DENND2A: variants seen among roughly 807,000 people sequenced by gnomAD.
DENND2A encodes the protein DENN domain containing 2A.
DENND2A carries 53 observed loss-of-function variants against 105.3 expected under a neutral mutation model. That is an observed-to-expected ratio of 0.50 (90% CI 0.40 to 0.63). The LOEUF is 0.63. Among genes scored for constraint, DENND2A ranks in the 30% least tolerant of loss-of-function variants. The pLI is 0.00. For synonymous variants in DENND2A, 522 were observed against 508.4 expected, an observed-to-expected ratio of 1.03 and a Z score of -0.36; for missense variants, 1,138 against 1,279.6, an observed-to-expected ratio of 0.89 and a Z score of 1.69.
At chr7:140,558,013 C>A in intron 11 of DENND2A, 130 bp downstream of exon 11, 2 of 691,076 alleles carry the variant, frequency 2.9e-6, no homozygotes, top group South Asian at 1.9e-5. Context: ...TGCCACTCCC[C>A]CTGCTCCTTC....
chr7:140,563,422 C>A (rs1034609821), intron 9 of DENND2A, among the ~76,000 whole-genome samples: 3 of 152,094 alleles, frequency 2.0e-5, no homozygotes, highest in Admixed American at 6.6e-5. Context: ...GAAAACAGCC[C>A]AGTCTCCCTG....
At chr7:140,601,009 A>C (rs191238695) in intron 3 of DENND2A, among the ~76,000 whole-genome samples, 1 of 152,342 alleles carries the variant, frequency 6.6e-6, no homozygotes, top group East Asian at 1.9e-4. Flanking sequence ...AGACACTGAT[A>C]GGGCCAGTGT....
chr7:140,578,408 G>A (rs1002123669), intron 5 of DENND2A, among the ~76,000 whole-genome samples: 2 of 152,102 alleles, frequency 1.3e-5, no homozygotes, highest in African/African-American at 2.4e-5. Context: ...GAGACTACAG[G>A]GATCCTTGAT....
intron 14 of DENND2A, among the ~76,000 whole-genome samples, chr7:140,538,231 G>T (rs1036975114): frequency 2.6e-5 from 4 of 152,164 alleles, no homozygotes; most frequent in Admixed American, 6.6e-5. Flanking sequence ...TTGTGTTTGT[G>T]GGGGAGAGTG....
At chr7:140,592,217 T>TA (rs1229700035) in intron 3 of DENND2A, among the ~76,000 whole-genome samples, 17 of 149,394 alleles carry the variant, frequency 1.1e-4, no homozygotes, top group African/African-American at 1.7e-4. Flanking sequence ...TTTTTATTTT[T>TA]TTTTTTTGAG....
intron 11 of DENND2A, among the ~76,000 whole-genome samples, chr7:140,556,804 A>T (rs7804236): frequency 0.043 from 6,599 of 152,230 alleles, 481 homozygotes; most frequent in African/African-American, 0.15. Flanking sequence ...TTTTCAGCCT[A>T]TTTCAGAGAC....
intron 3 of DENND2A, among the ~76,000 whole-genome samples, chr7:140,592,078 G>GCCCAGGCTCTTGTCA (rs1799077020): frequency 7.5e-6 from 1 of 133,336 alleles, no homozygotes; most frequent in East Asian, 2.2e-4. Context: ...CGCTCTTGAC[G>GCCCAGGCTCTTGTCA]CCCAGGCTCT....
At chr7:140,576,298 A>G (rs1278666390) in intron 5 of DENND2A, among the ~76,000 whole-genome samples, 3 of 152,020 alleles carry the variant, frequency 2.0e-5, no homozygotes. Flanking sequence ...TTTCTTTTGT[A>G]ATTCATTTAA....
chr7:140,528,734 T>C (rs1037774237), intron 14 of DENND2A, among the ~76,000 whole-genome samples: 10 of 144,514 alleles, frequency 6.9e-5, no homozygotes, highest in African/African-American at 2.1e-4. Context: ...CACTCCAGCC[T>C]GGGCAACAAG....
At chr7:140,606,110 G>T (rs1799678496) in intron 1 of DENND2A, among the ~76,000 whole-genome samples, 1 of 151,982 alleles carries the variant, frequency 6.6e-6, no homozygotes, top group Non-Finnish European at 1.5e-5. Context: ...GCATGCTCTT[G>T]GCTCACCGCA....
At chr7:140,558,112 C>T (rs1230228957) in intron 11 of DENND2A, 31 bp downstream of exon 11, 1 of 1,601,054 alleles carries the variant, frequency 6.2e-7, no homozygotes, top group Admixed American at 1.7e-5. Context: ...GTCCACGAGG[C>T]TCTTGCAGGC....
At position 140,640,142 on chromosome 7, in the gene DENND2A, C is replaced by T. The variant is rs1408702570; in HGVS notation, c.-248+362G>A. 2.6e-5 allele frequency: 4 copies of T among 152,244 alleles called. No individual in the cohort carries two copies. In the East Asian group the frequency reaches 5.8e-4, roughly 22 times the overall value. 9.4% of individuals were successfully genotyped at this position (152,244 alleles called of 1,614,324 possible). On this transcript the variant is annotated intron_variant, in intron 1 of 19. Transcript: ENST00000496613. The surrounding 1 kb of genome is among the most constrained non-coding windows in gnomAD (Gnocchi z 4.9). ...TCGCACAGACACACTCACACACAGA[C>T]ACACAAGCGCGCACACACACACACG...
Position 140,527,356 on chromosome 7 carries a change from T to C in DENND2A, c.2467A>G (p.Ser823Gly). Reference protein sequence around the residue: ...PTPFLIGLLSSSLPLLRELPL... With the variant: ...PTPFLIGLLSGSLPLLRELPL... ...AGCTCCCTGAGCAGTGGCAGCGAGCTGGAGAGCAGCCCGATGAGGAAGGGC... is the reference window on the plus strand; with the variant it reads ...AGCTCCCTGAGCAGTGGCAGCGAGCCGGAGAGCAGCCCGATGAGGAAGGGC... The change falls in exon 15 of 20, where the codon AGC becomes GGC. Residue 823 changes from serine to glycine, a missense_variant. This residue lies in a region of DENND2A where 627 missense variants were observed against 779.8 expected (regional missense o/e 0.80). Coordinates refer to ENST00000496613, the MANE Select transcript of DENND2A (RefSeq NM_015689.5). This position sits in a 1 kb window ranked among gnomAD's most constrained non-coding sequence, Gnocchi z 4.9. 6.2e-7 allele frequency: 1 copy of C among 1,601,012 alleles called. No homozygotes were observed. The highest frequency in any genetic ancestry group is 1.3e-5 in the African/African-American group (1 of 74,906).
At chr7:140,570,739 C>T (rs1417704236) in intron 6 of DENND2A, among the ~76,000 whole-genome samples, 3 of 152,244 alleles carry the variant, frequency 2.0e-5, no homozygotes, top group Admixed American at 2.0e-4. Context: ...TCCCCCATCA[C>T]CACTGCCAGA....
chr7:140,526,155 G>A (rs1456780502), intron 15 of DENND2A, among the ~76,000 whole-genome samples: 4 of 152,184 alleles, frequency 2.6e-5, no homozygotes, highest in Non-Finnish European at 5.9e-5. Flanking sequence ...TCCCACCCTA[G>A]GGCCCCTGCC....
intron 11 of DENND2A, among the ~76,000 whole-genome samples, chr7:140,555,946 G>A (rs1055868528): frequency 6.6e-6 from 1 of 152,032 alleles, no homozygotes; most frequent in East Asian, 1.9e-4. Context: ...AATCATTTCT[G>A]AAGATCTTTC....
chr7:140,571,577 G>A (rs896365572), intron 6 of DENND2A, among the ~76,000 whole-genome samples: 12 of 151,980 alleles, frequency 7.9e-5, no homozygotes, highest in Non-Finnish European at 1.3e-4. Flanking sequence ...TGTCCTCATC[G>A]GGAAAATGAA....
At position 140,569,629 on chromosome 7, in the gene DENND2A, G is replaced by A; in HGVS notation, c.1540+16C>T. 6.4e-7 allele frequency: 1 copy of A among 1,551,960 alleles called. No individual in the cohort carries two copies. The highest frequency in any genetic ancestry group is 1.1e-5 in the South Asian group (1 of 89,794). On this transcript the variant is annotated intron_variant, in intron 7 of 19. Coordinates refer to ENST00000496613, the MANE Select transcript of DENND2A (RefSeq NM_015689.5). Reference sequence around the variant, plus strand: ...TCCGATTCTTGCGGGAGGAGGGCTGGTGGTGGGGGTTCTACCTTTTCCTGA... The same window carrying A: ...TCCGATTCTTGCGGGAGGAGGGCTGATGGTGGGGGTTCTACCTTTTCCTGA...
At chr7:140,634,826 C>CGCA (rs1012302580) in intron 1 of DENND2A, among the ~76,000 whole-genome samples, 24 of 151,852 alleles carry the variant, frequency 1.6e-4, no homozygotes, top group African/African-American at 5.6e-4. Flanking sequence ...GAGCTGAGAT[C>CGCA]GCACCACTGC....
Sources: gnomAD v4.1 joint callset for allele counts (sites outside exome capture counted in the v4.1 genomes callset) on GRCh38, gnomAD v4.1.1 for gene constraint, gnomAD v4.1.1 regional missense constraint, Gnocchi (gnomAD v3.1) non-coding constraint, MANE v1.5 for transcripts, NCBI Gene and HGNC (gene_info 2026-07-23, HGNC 2026-07-21) for gene names.